Variants in PLK5 observed in about 807,000 individuals in gnomAD.
PLK5 encodes the protein inactive serine/threonine-protein kinase PLK5.
PLK5 carries 28 observed loss-of-function variants against 33.7 expected under a neutral mutation model. The observed-to-expected ratio is 0.83, with a 90% CI of 0.62 to 1.14. The LOEUF is 1.14. Among genes scored for constraint, PLK5 ranks in the 50% most tolerant of loss-of-function variants. The probability of loss-of-function intolerance (pLI) is 0.00; values close to 1 mark genes in which losing one functional copy is unlikely to be tolerated. For synonymous variants in PLK5, 225 were observed against 202.2 expected (o/e 1.11, Z -0.96); for missense variants, 492 against 461.5 (o/e 1.07, Z -0.61).
At position 1,528,398 on chromosome 19, in the gene PLK5, C is replaced by A; in HGVS notation, c.298C>A (p.Gln100Lys). 1 of 1,535,486 alleles carries A rather than the reference C, an allele frequency of 6.5e-7. No individual in the cohort carries two copies. The highest frequency in any genetic ancestry group is 8.7e-7 in the Non-Finnish European group (1 of 1,146,642). Residue 100 changes from glutamine to lysine, a missense_variant, in exon 8 of 14, where the codon CAG becomes AAG. Physicochemically the swap from Gln to Lys is moderately conservative, Grantham distance 53. Transcript: ENST00000454744. ...PLGRIFRKVG[Q>K]RLLTQCRPPC... ...GGGCAGGATCTTCCGGAAGGTGGGCCAGCGGCTGCTCACCCAGTGCCGGCC... is the reference window on the plus strand; with the variant it reads ...GGGCAGGATCTTCCGGAAGGTGGGCAAGCGGCTGCTCACCCAGTGCCGGCC...
chr19:1,529,038 AC>A, intron 9 of PLK5, 64 bp downstream of exon 9: 2 of 1,341,970 alleles, frequency 1.5e-6, no homozygotes, highest in South Asian at 1.6e-5. Flanking sequence ...CCCTGCTAAA[AC>A]CCCCTCCCCC....
At chr19:1,529,672 G>A (rs970529079) in intron 10 of PLK5, 75 bp from the exon 11 acceptor site, 122 of 1,460,088 alleles carry the variant, frequency 8.4e-5, no homozygotes, top group Non-Finnish European at 1.1e-4. Context: ...TGGAGCCGTG[G>A]GGAGGGGGAC....
In PLK5 at chr19:1,526,560, C is replaced by G; in HGVS notation, c.-238C>G. The G allele has an allele frequency of 3.5e-6, 1 of 288,670 alleles. No individual in the cohort carries two copies. The highest frequency in any genetic ancestry group is 2.8e-5 in the South Asian group (1 of 35,364). 17.9% of individuals were successfully genotyped at this position (288,670 alleles called of 1,614,324 possible). A position where few individuals can be genotyped will look rare whatever the true frequency, so the allele number is the denominator to read the frequency against. ...TGCGCGACTACCTGCGGGGCCTGGT[C>G]AGCGGCCTGCGCTACCTGCACCAGC... On this transcript the variant is annotated 5_prime_UTR_variant, in exon 4 of 14. Coordinates refer to ENST00000454744, the MANE Select transcript of PLK5 (RefSeq NM_001243079.2).
intron 6 of PLK5, 44 bp downstream of exon 6, chr19:1,527,042 GCA>G: frequency 1.9e-6 from 2 of 1,033,572 alleles, no homozygotes; most frequent in East Asian, 2.8e-5. Flanking sequence ...TCCGGGGGGG[GCA>G]GGTGTGGCGG....
Position 1,531,736 on chromosome 19 carries a change from A to G in PLK5, c.569-2A>G. The G allele has an allele frequency of 1.3e-6, 2 of 1,536,758 alleles. No homozygotes were observed. The highest frequency in any genetic ancestry group is 2.4e-5 in the East Asian group (1 of 40,920). On this transcript the variant is annotated splice_acceptor_variant, in intron 11 of 13. Coordinates refer to ENST00000454744, the MANE Select transcript of PLK5 (RefSeq NM_001243079.2). LOFTEE classifies it high-confidence loss of function. ...GCTCAGCATACCTTTGTTTGTGCCC[A>G]GCCACACAGGACCCCCTGGGAGAGC...
chr19:1,527,874 TG>T, intron 6 of PLK5, 61 bp from the exon 7 acceptor site: 1 of 1,469,728 alleles, frequency 6.8e-7, no homozygotes, highest in Non-Finnish European at 9.1e-7. Flanking sequence ...TCTGGCCAAG[TG>T]TGCAGGGGTA....
chr19:1,535,343 G>C lies in PLK5; in HGVS notation c.*93G>C, dbSNP rs1004465688. 13 of 1,368,868 alleles carry C rather than the reference G, an allele frequency of 9.5e-6. No homozygotes were observed. The African/African-American group carries it at 1.2e-4, about 13-fold the overall frequency. The allele number at this position is 1,368,868 out of a possible 1,614,324, so 84.8% of individuals were successfully genotyped here. A position where few individuals can be genotyped will look rare whatever the true frequency, so the allele number is the denominator to read the frequency against. On this transcript the variant is annotated 3_prime_UTR_variant, in exon 14 of 14. Transcript: ENST00000454744. ...GTGGCTCCCCCAGAGGGGCTGTCCT[G>C]GGGGAGGGCTGGGGGGCACACGGGA...
In PLK5 at chr19:1,525,418, G is replaced by C. The variant is rs1019790352; in HGVS notation, c.-430G>C. On this transcript the variant is annotated splice_region_variant and 5_prime_UTR_variant, in exon 2 of 14. Coordinates refer to ENST00000454744, the MANE Select transcript of PLK5 (RefSeq NM_001243079.2). ...CCGGGTGGCTTCGCCCGCAGGGAAA[G>C]GTGCGTGTCCCCATCGGTCCCCAGG... is the stretch of plus-strand genomic sequence containing the variant. 4.0e-5 allele frequency: 6 copies of C among 151,748 alleles called. No homozygotes were observed. Among genetic ancestry groups the C allele is most frequent in the African/African-American group, 1.5e-4 (6 of 40,902 alleles). The allele number at this position is 151,748 out of a possible 1,614,324, so 9.4% of individuals were successfully genotyped here.
At position 1,528,764 on chromosome 19, in the gene PLK5, CCTCCCACCTGCCCACAA is replaced by C. The variant is rs895821858; in HGVS notation, c.329-131_329-115del. 4.8e-5 allele frequency: 41 copies of C among 857,782 alleles called. No individual in the cohort carries two copies. In the Admixed American group the frequency reaches 7.9e-4, roughly 17 times the overall value. 53.1% of individuals were successfully genotyped at this position (857,782 alleles called of 1,614,324 possible). On this transcript the variant is annotated intron_variant, in intron 8 of 13. Coordinates refer to ENST00000454744, the MANE Select transcript of PLK5 (RefSeq NM_001243079.2). ...TGCCCACACCTCCCGCCTGCCCACACCTCCCACCTGCCCACAACTGCCACCTGCTCCGCTCTGTCTCC... is the reference window on the plus strand; with the variant it reads ...TGCCCACACCTCCCGCCTGCCCACACCTGCCACCTGCTCCGCTCTGTCTCC...
At chr19:1,533,295 T>G (rs573621728) in intron 12 of PLK5, among the ~76,000 whole-genome samples, 1 of 152,094 alleles carries the variant, frequency 6.6e-6, no homozygotes, top group Non-Finnish European at 1.5e-5. Flanking sequence ...TTCTCCATGT[T>G]GGCCAGGCTG....
At chr19:1,526,871 C>T (rs1407881338) in intron 5 of PLK5, 32 bp from the exon 6 acceptor site, 5 of 1,207,724 alleles carry the variant, frequency 4.1e-6, no homozygotes, top group Non-Finnish European at 2.4e-6. Context: ...GGGATCCCAG[C>T]CTTCCTGAGC....
In PLK5 at chr19:1,526,657, G is replaced by A. The variant is rs959313075; in HGVS notation, c.-183+42G>A. 3.9e-5 allele frequency: 15 copies of A among 387,352 alleles called. 1 individual carries two copies. Among genetic ancestry groups the A allele is most frequent in the Non-Finnish European group, 3.9e-5 (8 of 207,260 alleles). The allele number at this position is 387,352 out of a possible 1,614,324, so 24.0% of individuals were successfully genotyped here. A position where few individuals can be genotyped will look rare whatever the true frequency, so the allele number is the denominator to read the frequency against. On this transcript the variant is annotated intron_variant, in intron 4 of 13. Coordinates refer to ENST00000454744, the MANE Select transcript of PLK5 (RefSeq NM_001243079.2). ...GGAACTGTGGGCGGGGGCGTCGGGAGGTGGGCACGGATCCACCCCCATGCG... is the reference window on the plus strand; with the variant it reads ...GGAACTGTGGGCGGGGGCGTCGGGAAGTGGGCACGGATCCACCCCCATGCG...
chr19:1,528,375 G>A lies in PLK5; in HGVS notation c.275G>A (p.Gly92Asp). Residue 92 changes from glycine to aspartate, a missense_variant, in exon 8 of 14, where the codon GGC becomes GAC. Coordinates refer to ENST00000454744, the MANE Select transcript of PLK5 (RefSeq NM_001243079.2). Reference protein sequence around the residue: ...PPIFAIPPPLGRIFRKVGQRL... With the variant: ...PPIFAIPPPLDRIFRKVGQRL... ...ATCTTCGCCATACCCCCGCCTCTGG[G>A]CAGGATCTTCCGGAAGGTGGGCCAG... The A allele has an allele frequency of 6.5e-7, 1 of 1,535,418 alleles. No homozygotes were observed. Among genetic ancestry groups the A allele is most frequent in the Non-Finnish European group, 8.7e-7 (1 of 1,146,706 alleles).
Position 1,524,791 on chromosome 19 carries a change from G to C in PLK5, c.-543-514G>C, listed in dbSNP as rs773436481. ...CTAGGAGTTGTGTGTTCATGTGTTT[G>C]TATCTGTGTCTTTGTCCATGTGTTG... On this transcript the variant is annotated intron_variant, in intron 1 of 13. Transcript: ENST00000454744. This position sits in a 1 kb window ranked among gnomAD's most constrained non-coding sequence, Gnocchi z 4.5. 6.6e-6 allele frequency among the ~76,000 whole-genome samples: 1 copy of C among 151,800 alleles called. No homozygotes were observed. Among genetic ancestry groups the C allele is most frequent in the African/African-American group, 2.4e-5 (1 of 41,292 alleles).
At position 1,531,779 on chromosome 19, in the gene PLK5, G is replaced by A. The variant is rs991033854; in HGVS notation, c.610G>A (p.Ala204Thr). 99 of 1,535,768 alleles carry A rather than the reference G, an allele frequency of 6.4e-5. No homozygotes were observed. Among genetic ancestry groups the A allele is most frequent in the Non-Finnish European group, 8.2e-5 (94 of 1,146,754 alleles). ...PLGEQQPILW[A>T]PKWVDYSSKY... Reference sequence around the variant, plus strand: ...GGGAGAGCAGCAGCCCATCCTCTGGGCCCCCAAATGGGTGGATTATTCCAG... The same window carrying A: ...GGGAGAGCAGCAGCCCATCCTCTGGACCCCCAAATGGGTGGATTATTCCAG... Residue 204 changes from alanine to threonine, a missense_variant, in exon 12 of 14, where the codon GCC becomes ACC. By Grantham distance (58) the Ala-to-Thr change is moderately conservative. Transcript: ENST00000454744.
At chr19:1,531,634 G>A (rs992577728) in intron 11 of PLK5, 104 bp from the exon 12 acceptor site, 31 of 1,370,074 alleles carry the variant, frequency 2.3e-5, no homozygotes, top group African/African-American at 4.5e-5. Context: ...GGTCCCCGCC[G>A]TGGGAAGGGT....
intron 12 of PLK5, 144 bp from the exon 13 acceptor site, chr19:1,533,787 T>C: frequency 1.5e-6 from 1 of 657,194 alleles, no homozygotes; most frequent in South Asian, 1.8e-5. Context: ...CCCGGCCTGC[T>C]GGGCGCCAAG....
At chr19:1,531,949 C>T (rs981965177) in intron 12 of PLK5, 66 bp downstream of exon 12, 1 of 1,412,912 alleles carries the variant, frequency 7.1e-7, no homozygotes, top group Admixed American at 3.1e-5. Context: ...ATTCATCTCT[C>T]AAGTATTTAT....
chr19:1,534,465 C>A (rs1229962019), intron 13 of PLK5, among the ~76,000 whole-genome samples: 1 of 147,616 alleles, frequency 6.8e-6, no homozygotes, highest in East Asian at 2.0e-4. Context: ...CGAGATCACG[C>A]CACAGCACTC....
Sources: gnomAD v4.1 joint callset for allele counts (sites outside exome capture counted in the v4.1 genomes callset) on GRCh38, gnomAD v4.1.1 for gene constraint, Gnocchi (gnomAD v3.1) non-coding constraint, MANE v1.5 for transcripts, NCBI Gene and HGNC (gene_info 2026-07-23, HGNC 2026-07-21) for gene names.